The following SLC24A2 variants were observed in gnomAD, a reference collection of about 807,000 sequenced individuals.
The protein encoded by SLC24A2 is solute carrier family 24 member 2.
SLC24A2 carries 36 observed loss-of-function variants against 62.0 expected under a neutral mutation model. The ratio of observed to expected loss-of-function variants is 0.58; its 90% CI spans 0.44 to 0.77. SLC24A2 has a LOEUF of 0.77. SLC24A2 is among the 30% of genes least tolerant of loss of function. The pLI is 0.00. For missense variants in SLC24A2, 846 were observed against 817.9 expected (o/e 1.03, Z -0.42); for synonymous variants, 358 against 294.0 (o/e 1.22, Z -2.23).
chr9:19,765,675 C>G (rs1300914034), intron 2 of SLC24A2, among the ~76,000 whole-genome samples: 2 of 152,236 alleles, frequency 1.3e-5, no homozygotes, highest in African/African-American at 4.8e-5. Context: ...TGCTGTTAGT[C>G]TGATGGCTTC....
At chr9:19,652,196 T>C (rs1461921591) in intron 2 of SLC24A2, among the ~76,000 whole-genome samples, 1 of 152,154 alleles carries the variant, frequency 6.6e-6, no homozygotes, top group Non-Finnish European at 1.5e-5. Flanking sequence ...GGAGGTAGGG[T>C]ACTTCCTCTA....
chr9:19,864,430 T>C, the SLC24A2 span, among the ~76,000 whole-genome samples: 2 of 151,826 alleles, frequency 1.3e-5, no homozygotes, highest in Admixed American at 6.6e-5. Flanking sequence ...CTGACGAATA[T>C]TGATGCAAAC....
the SLC24A2 span, among the ~76,000 whole-genome samples, chr9:19,836,120 A>C: frequency 3.6e-3 from 546 of 152,328 alleles, 6 homozygotes; most frequent in Non-Finnish European, 4.3e-3. Context: ...CACAAGAGAA[A>C]GCAGGAAAGA....
intron 2 of SLC24A2, among the ~76,000 whole-genome samples, chr9:19,670,935 C>T (rs889781094): frequency 5.3e-5 from 8 of 152,042 alleles, no homozygotes; most frequent in African/African-American, 1.9e-4. Context: ...ACTAATTAGC[C>T]TAAAAAGTCA....
At chr9:19,725,638 G>C (rs1821147870) in intron 2 of SLC24A2, among the ~76,000 whole-genome samples, 1 of 152,082 alleles carries the variant, frequency 6.6e-6, no homozygotes, top group Non-Finnish European at 1.5e-5. Context: ...ATATGTGCAA[G>C]AATATAATGA....
intron 2 of SLC24A2, among the ~76,000 whole-genome samples, chr9:19,715,492 G>A (rs2118620075): frequency 6.6e-6 from 1 of 152,278 alleles, no homozygotes; most frequent in Non-Finnish European, 1.5e-5. Context: ...CTGTGTATTA[G>A]CTTGTTCTTT....
chr9:19,578,358 CA>C (rs3085616), intron 5 of SLC24A2, among the ~76,000 whole-genome samples: 2,897 of 135,516 alleles, frequency 0.021, 30 homozygotes, highest in African/African-American at 0.034. Context: ...TGCAATAAGC[CA>C]AAAAAAAAAA....
At chr9:19,650,799 A>G (rs1341698785) in intron 2 of SLC24A2, among the ~76,000 whole-genome samples, 1 of 149,858 alleles carries the variant, frequency 6.7e-6, no homozygotes, top group Non-Finnish European at 1.5e-5. Context: ...ATTAATTCAC[A>G]GGCATTGTAA....
chr9:19,700,312 G>T (rs907338349), intron 2 of SLC24A2, among the ~76,000 whole-genome samples: 4 of 152,130 alleles, frequency 2.6e-5, no homozygotes, highest in Non-Finnish European at 5.9e-5. Context: ...CTCAGTAAAT[G>T]TTAGCTTTCT....
the SLC24A2 span, among the ~76,000 whole-genome samples, chr9:20,041,271 A>C: frequency 6.6e-6 from 1 of 152,374 alleles, no homozygotes; most frequent in South Asian, 2.1e-4. Flanking sequence ...TTTTCATTCC[A>C]GTGTAATCTA....
chr9:19,708,154 C>A (rs199671788), intron 2 of SLC24A2, among the ~76,000 whole-genome samples: 21 of 152,158 alleles, frequency 1.4e-4, no homozygotes, highest in East Asian at 3.9e-4. Flanking sequence ...TCCCATTCAC[C>A]ATTGCTTCAA....
chr9:20,048,500 T>C, the SLC24A2 span, among the ~76,000 whole-genome samples: 1 of 143,956 alleles, frequency 6.9e-6, no homozygotes, highest in Non-Finnish European at 1.5e-5. Flanking sequence ...AAATGGGATA[T>C]TATTTAGAAA....
chr9:19,661,503 A>G (rs1369255699), intron 2 of SLC24A2, among the ~76,000 whole-genome samples: 2 of 143,212 alleles, frequency 1.4e-5, no homozygotes, highest in Non-Finnish European at 3.2e-5. Context: ...TCTTCTAAGT[A>G]TTTTAAAAGC....
intron 1 of SLC24A2, chr9:19,788,660 C>T (rs906441545): frequency 2.0e-6 from 2 of 985,050 alleles, no homozygotes; most frequent in African/African-American, 3.5e-5. Flanking sequence ...CTGCCCCACG[C>T]CCCCCATCCC....
intron 5 of SLC24A2, among the ~76,000 whole-genome samples, chr9:19,577,415 G>A (rs1041432226): frequency 4.6e-5 from 7 of 152,196 alleles, no homozygotes; most frequent in African/African-American, 1.7e-4. Flanking sequence ...GCCAAGCCCA[G>A]GGGTCCTCTG....
intron 2 of SLC24A2, among the ~76,000 whole-genome samples, chr9:19,624,775 C>T (rs1817992686): frequency 6.6e-6 from 1 of 152,090 alleles, no homozygotes; most frequent in Non-Finnish European, 1.5e-5. Context: ...TTTTATGTAG[C>T]CCTGTTGCAA....
chr9:19,684,128 CA>C (rs1819806978), intron 2 of SLC24A2, among the ~76,000 whole-genome samples: 1 of 152,146 alleles, frequency 6.6e-6, no homozygotes, highest in African/African-American at 2.4e-5. Context: ...GCAATCTTTT[CA>C]GGATGCCCCT....
At chr9:19,775,693 G>C (rs1273507568) in intron 2 of SLC24A2, among the ~76,000 whole-genome samples, 1 of 152,188 alleles carries the variant, frequency 6.6e-6, no homozygotes, top group African/African-American at 2.4e-5. Flanking sequence ...AGGGTAAGAA[G>C]CAAGGCCACC....
chr9:20,093,532 T>C, the SLC24A2 span, among the ~76,000 whole-genome samples: 1 of 152,238 alleles, frequency 6.6e-6, no homozygotes. Context: ...ACCAAAAATA[T>C]GTAAGACTTC....
Sources: allele counts gnomAD v4.1 joint callset (sites outside exome capture counted in the v4.1 genomes callset), GRCh38; gene constraint gnomAD v4.1.1; transcripts MANE v1.5; gene names NCBI Gene and HGNC (gene_info 2026-07-23, HGNC 2026-07-21).